FBLN5: variants seen among roughly 807,000 people sequenced by gnomAD.
FBLN5 encodes the protein fibulin 5, also known as fibulin-5.
Under a neutral mutation model 61.6 loss-of-function variants are expected in FBLN5, and 24 were observed. That is an observed-to-expected ratio of 0.39 (90% CI 0.28 to 0.55). The LOEUF is 0.55. Among genes scored for constraint, FBLN5 ranks in the 20% least tolerant of loss-of-function variants. The pLI, the probability that FBLN5 is intolerant of heterozygous loss-of-function variation, is 0.65. For synonymous variants in FBLN5, 213 were observed against 219.8 expected (o/e 0.97, Z 0.27); for missense variants, 470 against 594.1 (o/e 0.79, Z 2.17).
intron 4 of FBLN5, among the ~76,000 whole-genome samples, chr14:91,921,898 G>A (rs941959772): frequency 2.6e-5 from 4 of 152,216 alleles, no homozygotes; most frequent in African/African-American, 4.8e-5. Flanking sequence ...AGGGCACGTC[G>A]TGGGATGGCC....
At chr14:91,901,762 T>A (rs905142227) in intron 4 of FBLN5, among the ~76,000 whole-genome samples, 1 of 152,244 alleles carries the variant, frequency 6.6e-6, no homozygotes, top group Non-Finnish European at 1.5e-5. Context: ...GATCTTTCTG[T>A]GTTTACAGCA....
intron 4 of FBLN5, among the ~76,000 whole-genome samples, chr14:91,922,685 G>C (rs967804437): frequency 6.6e-6 from 1 of 152,228 alleles, no homozygotes; most frequent in Non-Finnish European, 1.5e-5. Flanking sequence ...CTGATGGTGG[G>C]ATCGCTTACA....
chr14:91,906,298 C>A (rs1234093043), intron 4 of FBLN5, among the ~76,000 whole-genome samples: 2 of 152,122 alleles, frequency 1.3e-5, no homozygotes, highest in Non-Finnish European at 2.9e-5. Context: ...TAGGAGACGA[C>A]CCCAGAGTAG....
chr14:91,890,509 G>A (rs142466538), intron 6 of FBLN5, among the ~76,000 whole-genome samples: 56 of 152,352 alleles, frequency 3.7e-4, no homozygotes, highest in African/African-American at 1.3e-3. Context: ...CAGGATTTGC[G>A]CTAATTCCTT....
At chr14:91,873,325 A>G (rs1308094762) in intron 10 of FBLN5, among the ~76,000 whole-genome samples, 1 of 152,218 alleles carries the variant, frequency 6.6e-6, no homozygotes, top group Non-Finnish European at 1.5e-5. Context: ...ATCTGGCTAC[A>G]ACCTTTCCTA....
intron 4 of FBLN5, among the ~76,000 whole-genome samples, chr14:91,906,679 G>T (rs1211686491): frequency 6.6e-6 from 1 of 152,254 alleles, no homozygotes; most frequent in Non-Finnish European, 1.5e-5. Context: ...GGCACCAGCA[G>T]CTTCCTGGAT....
chr14:91,947,002 T>C lies in FBLN5; in HGVS notation c.17+211A>G, dbSNP rs868186320. Reference sequence around the variant, plus strand: ...CTGATGCTGGCTTTTGAAACTGTATTAGAAAATACCCACTCCCAAAAGAAC... The same window carrying C: ...CTGATGCTGGCTTTTGAAACTGTATCAGAAAATACCCACTCCCAAAAGAAC... On this transcript the variant is annotated intron_variant, in intron 1 of 10. Coordinates refer to ENST00000342058, the MANE Select transcript of FBLN5 (RefSeq NM_006329.4). This position sits in a 1 kb window ranked among gnomAD's most constrained non-coding sequence, Gnocchi z 4.3. 1 of 1,503,274 alleles carries C rather than the reference T, an allele frequency of 6.7e-7. No individual in the cohort carries two copies. The allele number at this position is 1,503,274 out of a possible 1,614,324, so 93.1% of individuals were successfully genotyped here. A position where few individuals can be genotyped will look rare whatever the true frequency, so the allele number is the denominator to read the frequency against.
At chr14:91,909,250 G>A (rs1329839589) in intron 4 of FBLN5, among the ~76,000 whole-genome samples, 1 of 152,106 alleles carries the variant, frequency 6.6e-6, no homozygotes, top group African/African-American at 2.4e-5. Context: ...TCAAGCTGAT[G>A]CTAGCACAAG....
At chr14:91,939,883 G>T in intron 3 of FBLN5, 1 of 443,594 alleles carries the variant, frequency 2.3e-6, no homozygotes, top group Non-Finnish European at 4.5e-6. Flanking sequence ...GATTTTCTGG[G>T]TGGGCCCGAT....
At chr14:91,884,329 C>T (rs1164206275) in intron 7 of FBLN5, among the ~76,000 whole-genome samples, 4 of 152,290 alleles carry the variant, frequency 2.6e-5, no homozygotes, top group Middle Eastern at 3.4e-3. Flanking sequence ...CCCCTAGAAG[C>T]CTTGTAGAGC....
chr14:91,913,795 C>T (rs528647727), intron 4 of FBLN5, among the ~76,000 whole-genome samples: 43 of 152,288 alleles, frequency 2.8e-4, no homozygotes, highest in African/African-American at 1.0e-3. Context: ...GATGACAACG[C>T]AATTAAGTTA....
intron 10 of FBLN5, among the ~76,000 whole-genome samples, chr14:91,875,483 C>A (rs1889123527): frequency 6.6e-6 from 1 of 152,174 alleles, no homozygotes; most frequent in Non-Finnish European, 1.5e-5. Context: ...CAACCACAGG[C>A]CCTACTGCCC....
rs760496292 is a variant in FBLN5, at chr14:91,937,068, G to A, written c.258C>T (p.Thr86=). The A allele has an allele frequency of 1.9e-6, 3 of 1,613,958 alleles. No homozygotes were observed. Among genetic ancestry groups the A allele is most frequent in the Non-Finnish European group, 2.5e-6 (3 of 1,179,964 alleles). Residue 86 remains threonine, a synonymous_variant, in exon 4 of 11, where the codon ACC becomes ACT. Transcript: ENST00000342058. ...YRGPYSNPYS[T]PYSGPYPAAA... ...CTGCTGGGTACGGACCTGAGTAGGGGGTCGAGTAGGGGTTCGAGTAGGGCC... is the reference window on the plus strand; with the variant it reads ...CTGCTGGGTACGGACCTGAGTAGGGAGTCGAGTAGGGGTTCGAGTAGGGCC...
At chr14:91,946,924 G>T in intron 1 of FBLN5, 1 of 1,457,412 alleles carries the variant, frequency 6.9e-7, no homozygotes, top group Middle Eastern at 1.8e-4. Flanking sequence ...CAAAGTTGCT[G>T]CCCTTTCCAG....
intron 6 of FBLN5, among the ~76,000 whole-genome samples, chr14:91,887,726 T>A (rs1299353073): frequency 3.9e-5 from 6 of 152,052 alleles, no homozygotes; most frequent in Non-Finnish European, 8.8e-5. Context: ...GGTTAACAAA[T>A]AACCATGATG....
intron 4 of FBLN5, among the ~76,000 whole-genome samples, chr14:91,900,796 T>C (rs1037854293): frequency 6.6e-6 from 1 of 152,182 alleles, no homozygotes. Context: ...GCCTGGCACA[T>C]AGCTCCCTTC....
chr14:91,916,137 C>T (rs1328946662), intron 4 of FBLN5, among the ~76,000 whole-genome samples: 2 of 152,140 alleles, frequency 1.3e-5, no homozygotes, highest in Non-Finnish European at 2.9e-5. Flanking sequence ...GGCAGGATAA[C>T]AAAGAACAGC....
intron 4 of FBLN5, among the ~76,000 whole-genome samples, chr14:91,923,042 C>T (rs1045129149): frequency 7.9e-5 from 12 of 152,120 alleles, no homozygotes; most frequent in African/African-American, 2.9e-4. Context: ...ATACCATCTC[C>T]GAAAGCTGCC....
chr14:91,904,947 G>A (rs1195277628), intron 4 of FBLN5, among the ~76,000 whole-genome samples: 1 of 152,186 alleles, frequency 6.6e-6, no homozygotes, highest in Non-Finnish European at 1.5e-5. Flanking sequence ...TCATAGGAGG[G>A]AGGAGCATCA....
Sources: gnomAD v4.1 joint callset for allele counts (sites outside exome capture counted in the v4.1 genomes callset) on GRCh38, gnomAD v4.1.1 for gene constraint, Gnocchi (gnomAD v3.1) non-coding constraint, MANE v1.5 for transcripts, NCBI Gene and HGNC (gene_info 2026-07-23, HGNC 2026-07-21) for gene names.